Variants in GNAL observed in about 807,000 individuals in gnomAD.
The protein encoded by GNAL is guanine nucleotide-binding protein G(olf) subunit alpha.
Under a neutral mutation model 55.1 loss-of-function variants are expected in GNAL, and 18 were observed. The observed-to-expected ratio is 0.33, with a 90% CI of 0.23 to 0.48. GNAL has a LOEUF of 0.48. Ranked by LOEUF, GNAL falls within the 20% of genes least tolerant of loss-of-function variation. The probability of loss-of-function intolerance (pLI) is 0.99; values close to 1 mark genes in which losing one functional copy is unlikely to be tolerated. For missense variants in GNAL, 412 were observed against 614.1 expected (o/e 0.67, Z 3.48); for synonymous variants, 253 against 237.0 (o/e 1.07, Z -0.62).
At chr18:11,730,729 AC>A (rs1437868965) in intron 1 of GNAL, among the ~76,000 whole-genome samples, 1 of 151,968 alleles carries the variant, frequency 6.6e-6, no homozygotes, top group African/African-American at 2.4e-5. Flanking sequence ...GCGTCACTGC[AC>A]CCCAGCCTGG....
chr18:11,797,121 G>A (rs1158192458), intron 4 of GNAL, among the ~76,000 whole-genome samples: 2 of 152,066 alleles, frequency 1.3e-5, no homozygotes, highest in African/African-American at 2.4e-5. Context: ...TAGTAAAGAC[G>A]GGTTTTCGCC....
Position 11,803,877 on chromosome 18 carries a change from T to TG in GNAL, c.625-21039dup, listed in dbSNP as rs552355503. Among the ~76,000 whole-genome samples the TG allele has an allele frequency of 1.7e-3, 223 of 128,816 alleles. 6 individuals are homozygous for TG. The highest frequency in any genetic ancestry group is 3.1e-3 in the Non-Finnish European group (186 of 60,596). 84.5% of individuals were successfully genotyped at this position (128,816 alleles called of 152,430 possible). On this transcript the variant is annotated intron_variant, in intron 4 of 11. Coordinates refer to ENST00000334049, the MANE Select transcript of GNAL (RefSeq NM_182978.4). ...GTACAGGTGCAGTTTGAGTGGAACA[T>TG]GGAGATTCTGTGTAGTGGTGAAGTA...
At chr18:11,736,725 C>T (rs1420823160) in intron 1 of GNAL, among the ~76,000 whole-genome samples, 2 of 152,178 alleles carry the variant, frequency 1.3e-5, no homozygotes, top group East Asian at 3.8e-4. Context: ...CAGCTAAATG[C>T]TGTGTGATCC....
At chr18:11,767,792 C>G (rs1401389155) in intron 4 of GNAL, among the ~76,000 whole-genome samples, 1 of 152,244 alleles carries the variant, frequency 6.6e-6, no homozygotes, top group Admixed American at 6.5e-5. Flanking sequence ...CCAGGTCTTG[C>G]TCTTACCATC....
At chr18:11,796,575 C>CAAA (rs760136358) in intron 4 of GNAL, among the ~76,000 whole-genome samples, 8,231 of 58,416 alleles carry the variant, frequency 0.14, 839 homozygotes, top group East Asian at 0.24. Context: ...CTCCTTCTCA[C>CAAA]AAAAAAAAAA....
At chr18:11,708,162 C>T (rs571343950) in intron 1 of GNAL, among the ~76,000 whole-genome samples, 15 of 152,176 alleles carry the variant, frequency 9.9e-5, no homozygotes, top group Non-Finnish European at 2.2e-4. Flanking sequence ...ACAAGAGACC[C>T]AACTTTTGGC....
At chr18:11,866,251 CAAGT>C (rs1269654670) in intron 7 of GNAL, among the ~76,000 whole-genome samples, 1 of 150,298 alleles carries the variant, frequency 6.7e-6, no homozygotes, top group East Asian at 1.9e-4. Context: ...CCATTTTCAT[CAAGT>C]ATCTCAGCGT....
intron 8 of GNAL, among the ~76,000 whole-genome samples, chr18:11,867,454 G>A (rs1179953217): frequency 6.6e-6 from 1 of 151,904 alleles, no homozygotes; most frequent in Non-Finnish European, 1.5e-5. Context: ...CAAGGAGGGC[G>A]GATAACCTGA....
intron 10 of GNAL, among the ~76,000 whole-genome samples, chr18:11,876,288 A>G (rs2036529290): frequency 6.6e-6 from 1 of 152,214 alleles, no homozygotes; most frequent in South Asian, 2.1e-4. Context: ...ACTGGCCAAC[A>G]TGGTGAAACC....
chr18:11,744,590 C>T (rs2032648297), intron 1 of GNAL, among the ~76,000 whole-genome samples: 1 of 152,242 alleles, frequency 6.6e-6, no homozygotes, highest in Non-Finnish European at 1.5e-5. Flanking sequence ...GCTGTGTGCA[C>T]ACTGGTCACT....
Position 11,752,420 on chromosome 18 carries a change from C to A in GNAL, c.377-433C>A. 6.2e-7 allele frequency: 1 copy of A among 1,601,424 alleles called. No homozygotes were observed. Among genetic ancestry groups the A allele is most frequent in the South Asian group, 1.1e-5 (1 of 89,662 alleles). ...ACATTCCTAACTTCCTGACGTCCATCCCAGCGGGCAGGCATGGGGTGTTTG... is the reference window on the plus strand; with the variant it reads ...ACATTCCTAACTTCCTGACGTCCATACCAGCGGGCAGGCATGGGGTGTTTG... On this transcript the variant is annotated intron_variant, in intron 1 of 11. Transcript: ENST00000334049. This position sits in a 1 kb window ranked among gnomAD's most constrained non-coding sequence, Gnocchi z 4.5.
Position 11,869,025 on chromosome 18 carries a change from TACACCC to T in GNAL, c.1031+373_1031+378del, listed in dbSNP as rs140085996. ...TTGTCTCAAAACACACACACATACC[TACACCC>T]ACACCCACACACCCACACACTCTCT... is the stretch of plus-strand genomic sequence containing the variant. On this transcript the variant is annotated intron_variant, in intron 9 of 11. Transcript: ENST00000334049. Among the ~76,000 whole-genome samples, 434 of 151,706 alleles carry T rather than the reference TACACCC, an allele frequency of 2.9e-3. 3 individuals carry two copies. The highest frequency in any genetic ancestry group is 0.01 in the African/African-American group (413 of 41,260).
rs968123360 is a variant in GNAL at position 11,695,922 on chromosome 18, G to GCACGCACGCA, written c.376+5986_376+5987insGCACGCACAC. Among the ~76,000 whole-genome samples, 682 of 136,082 alleles carry GCACGCACGCA rather than the reference G, an allele frequency of 5.0e-3. 13 individuals carry two copies. Among genetic ancestry groups the GCACGCACGCA allele is most frequent in the African/African-American group, 0.02 (650 of 32,812 alleles). The allele number at this position is 136,082 out of a possible 152,430, so 89.3% of individuals were successfully genotyped here. On this transcript the variant is annotated intron_variant, in intron 1 of 11. Transcript: ENST00000334049. ...CATGCTCAGACATGCATGCACGCAT[G>GCACGCACGCA]CACACACACACACACACACACACAC...
At chr18:11,817,488 C>T (rs2034985468) in intron 4 of GNAL, among the ~76,000 whole-genome samples, 1 of 152,232 alleles carries the variant, frequency 6.6e-6, no homozygotes, top group Non-Finnish European at 1.5e-5. Flanking sequence ...CATGCAGTTG[C>T]TTAGTTGTTG....
At chr18:11,731,289 A>G (rs921973535) in intron 1 of GNAL, among the ~76,000 whole-genome samples, 1 of 152,250 alleles carries the variant, frequency 6.6e-6, no homozygotes. Context: ...CTGGGATTAC[A>G]GGCCCACGCC....
At chr18:11,741,557 A>G (rs2032575912) in intron 1 of GNAL, among the ~76,000 whole-genome samples, 1 of 152,220 alleles carries the variant, frequency 6.6e-6, no homozygotes, top group Non-Finnish European at 1.5e-5. Flanking sequence ...TAATGAGATC[A>G]GGGACAATGT....
intron 5 of GNAL, among the ~76,000 whole-genome samples, chr18:11,829,507 C>A (rs1209477615): frequency 6.6e-6 from 1 of 152,112 alleles, no homozygotes; most frequent in Non-Finnish European, 1.5e-5. Flanking sequence ...AAAAGCTGCT[C>A]CCATCTCCCA....
intron 5 of GNAL, among the ~76,000 whole-genome samples, chr18:11,837,741 G>A (rs2035527729): frequency 6.6e-6 from 1 of 152,152 alleles, no homozygotes; most frequent in African/African-American, 2.4e-5. Flanking sequence ...TTGCCATATG[G>A]CCCACCAATT....
At chr18:11,721,319 A>G (rs1443047266) in intron 1 of GNAL, among the ~76,000 whole-genome samples, 2 of 152,256 alleles carry the variant, frequency 1.3e-5, no homozygotes, top group African/African-American at 4.8e-5. Flanking sequence ...TTAAAACCTT[A>G]CATTTAACAA....
Sources: gnomAD v4.1 joint callset for allele counts (sites outside exome capture counted in the v4.1 genomes callset) on GRCh38, gnomAD v4.1.1 for gene constraint, Gnocchi (gnomAD v3.1) non-coding constraint, MANE v1.5 for transcripts, NCBI Gene and HGNC (gene_info 2026-07-23, HGNC 2026-07-21) for gene names.